The following GPHN variants were observed in gnomAD, a reference collection of about 807,000 sequenced individuals.
GPHN encodes gephyrin.
Under a neutral mutation model 95.5 loss-of-function variants are expected in GPHN, and 17 were observed. The ratio of observed to expected loss-of-function variants is 0.18; its 90% CI spans 0.12 to 0.27. The LOEUF (loss-of-function observed/expected upper bound fraction) is 0.27. Ranked by LOEUF, GPHN falls within the 10% of genes least tolerant of loss-of-function variation. The pLI is 1.00. For synonymous variants in GPHN, 320 were observed against 322.5 expected, an observed-to-expected ratio of 0.99 and a Z score of 0.08; for missense variants, 660 against 978.1, an observed-to-expected ratio of 0.67 and a Z score of 4.34.
chr14:66,576,377 T>C (rs1271424215), intron 1 of GPHN, among the ~76,000 whole-genome samples: 1 of 151,270 alleles, frequency 6.6e-6, no homozygotes, highest in Non-Finnish European at 1.5e-5. Flanking sequence ...AGGGAAAGAG[T>C]ATGGCATAAT....
chr14:67,577,930 C>T, the GPHN span: 1 of 1,177,798 alleles, frequency 8.5e-7, no homozygotes, highest in Non-Finnish European at 1.2e-6. Context: ...TAAACTCTAA[C>T]CTCCCTGGAG....
At chr14:67,200,252 T>C in the GPHN span, 2 of 888,474 alleles carry the variant, frequency 2.3e-6, no homozygotes, top group Admixed American at 3.2e-5. Flanking sequence ...GCTACCAGCC[T>C]CTCCCTCCAA....
the GPHN span, among the ~76,000 whole-genome samples, chr14:67,411,149 A>AG: frequency 2.6e-5 from 4 of 151,888 alleles, no homozygotes; most frequent in African/African-American, 9.7e-5. Flanking sequence ...AAAAAAAAAA[A>AG]AAAAAAAAAG....
chr14:67,321,566 C>G, the GPHN span, among the ~76,000 whole-genome samples: 2 of 152,166 alleles, frequency 1.3e-5, no homozygotes, highest in African/African-American at 4.8e-5. Context: ...AATGAGCTAT[C>G]TTGAGGATAG....
intron 2 of GPHN, among the ~76,000 whole-genome samples, chr14:66,755,414 TA>T (rs923309858): frequency 6.6e-6 from 1 of 152,116 alleles, no homozygotes; most frequent in Non-Finnish European, 1.5e-5. Context: ...TTAAGCCTTA[TA>T]AAAATGAGCA....
chr14:67,326,598 A>G, the GPHN span, among the ~76,000 whole-genome samples: 1 of 152,042 alleles, frequency 6.6e-6, no homozygotes, highest in Non-Finnish European at 1.5e-5. Context: ...ATCACTCTAG[A>G]TAGTTTTCTT....
At chr14:66,912,811 T>C (rs2065734332) in intron 5 of GPHN, among the ~76,000 whole-genome samples, 1 of 152,178 alleles carries the variant, frequency 6.6e-6, no homozygotes, top group Admixed American at 6.6e-5. Context: ...GATTATACTG[T>C]ACCTTATATT....
At chr14:67,459,054 A>AT in the GPHN span, among the ~76,000 whole-genome samples, 5 of 151,848 alleles carry the variant, frequency 3.3e-5, no homozygotes, top group Non-Finnish European at 5.9e-5. Context: ...TGCCAGGCTA[A>AT]TTTTTTTGTA....
At chr14:66,781,954 C>G (rs912493411) in intron 3 of GPHN, among the ~76,000 whole-genome samples, 2 of 152,056 alleles carry the variant, frequency 1.3e-5, no homozygotes, top group Non-Finnish European at 2.9e-5. Context: ...TCTCACTTTT[C>G]TAAAGTAGTT....
the GPHN span, among the ~76,000 whole-genome samples, chr14:67,410,052 C>T: frequency 7.2e-5 from 11 of 152,018 alleles, no homozygotes; most frequent in African/African-American, 1.9e-4. Flanking sequence ...AGCCAAGCCC[C>T]GTCTTTTCCA....
intron 9 of GPHN, among the ~76,000 whole-genome samples, chr14:66,979,735 G>C (rs1335718922): frequency 6.6e-6 from 1 of 152,144 alleles, no homozygotes; most frequent in African/African-American, 2.4e-5. Flanking sequence ...CAACTCAGCT[G>C]TTTGACACAA....
chr14:67,104,758 A>G (rs1181757477), intron 13 of GPHN, among the ~76,000 whole-genome samples: 2 of 152,078 alleles, frequency 1.3e-5, no homozygotes, highest in Non-Finnish European at 2.9e-5. Flanking sequence ...AGTCTAGCTA[A>G]TGCTTTGTCA....
chr14:66,546,188 G>A (rs1217594765), intron 1 of GPHN, among the ~76,000 whole-genome samples: 4 of 151,530 alleles, frequency 2.6e-5, no homozygotes, highest in Non-Finnish European at 5.9e-5. Flanking sequence ...CCGGGAAGAG[G>A]CGCTCCTCAC....
the GPHN span, among the ~76,000 whole-genome samples, chr14:67,341,462 T>C: frequency 6.9e-6 from 1 of 145,840 alleles, no homozygotes; most frequent in Non-Finnish European, 1.5e-5. Context: ...AGGAGGGAGG[T>C]TGGGGGGTCA....
intron 2 of GPHN, among the ~76,000 whole-genome samples, chr14:66,682,645 G>A (rs1036342328): frequency 3.3e-5 from 5 of 152,126 alleles, no homozygotes; most frequent in African/African-American, 4.8e-5. Context: ...AGCTACTTGG[G>A]AGGCTGAGGC....
intron 1 of GPHN, among the ~76,000 whole-genome samples, chr14:66,622,393 C>T (rs1336990778): frequency 6.6e-6 from 1 of 152,176 alleles, no homozygotes; most frequent in Admixed American, 6.5e-5. Context: ...CCATGAAGAC[C>T]TGTGACATGT....
chr14:66,571,670 G>A (rs73279798), intron 1 of GPHN, among the ~76,000 whole-genome samples: 10,828 of 152,062 alleles, frequency 0.071, 948 homozygotes, highest in African/African-American at 0.2. Context: ...AATTAGCCAG[G>A]CGTGGTGGCA....
At chr14:67,453,201 A>G in the GPHN span, among the ~76,000 whole-genome samples, 1 of 149,442 alleles carries the variant, frequency 6.7e-6, no homozygotes, top group African/African-American at 2.5e-5. Context: ...ATGCTGCTCC[A>G]ATTATCCCCC....
chr14:67,044,153 A>T (rs903985060), intron 10 of GPHN, among the ~76,000 whole-genome samples: 2 of 152,094 alleles, frequency 1.3e-5, no homozygotes, highest in Non-Finnish European at 1.5e-5. Context: ...CCTGGCCAAC[A>T]TGGTGAAACC....
Sources: gnomAD v4.1 joint callset for allele counts (sites outside exome capture counted in the v4.1 genomes callset) on GRCh38, gnomAD v4.1.1 for gene constraint, MANE v1.5 for transcripts, NCBI Gene and HGNC (gene_info 2026-07-23, HGNC 2026-07-21) for gene names.